QSER1: variants seen among roughly 807,000 people sequenced by gnomAD.
QSER1 encodes the protein glutamine and serine rich 1, also known as glutamine and serine-rich protein 1.
Under a neutral mutation model 158.5 loss-of-function variants are expected in QSER1, and 49 were observed. That is an observed-to-expected ratio of 0.31 (90% confidence interval 0.25 to 0.39). QSER1 has a LOEUF of 0.39. QSER1 is among the 10% of genes least tolerant of loss of function. The probability of loss-of-function intolerance (pLI) is 1.00; values close to 1 mark genes in which losing one functional copy is unlikely to be tolerated. For synonymous variants in QSER1, 650 were observed against 715.5 expected (o/e 0.91, Z 1.46); for missense variants, 1,754 against 2,010.3 (o/e 0.87, Z 2.44).
chr11:32,905,763 A>G (rs1851683924), intron 1 of QSER1, among the ~76,000 whole-genome samples: 1 of 152,204 alleles, frequency 6.6e-6, no homozygotes, highest in South Asian at 2.1e-4. Flanking sequence ...CTAATCTAGT[A>G]TACCAGCTAA....
rs1852491936 is a variant in QSER1, at chr11:32,955,286, G to C, written c.4501-10G>C. 7.2e-7 allele frequency: 1 copy of C among 1,387,100 alleles called. No individual in the cohort carries two copies. The highest frequency in any genetic ancestry group is 1.0e-6 in the Non-Finnish European group (1 of 990,438). 85.9% of individuals were successfully genotyped at this position (1,387,100 alleles called of 1,614,324 possible). On this transcript the variant is annotated splice_polypyrimidine_tract_variant and intron_variant, in intron 5 of 12. Coordinates refer to ENST00000650167, the MANE Select transcript of QSER1 (RefSeq NM_001076786.3). ...TGTTTTGTAAGTATCATTAATTCTG[G>C]TTATTACAGGAGGCTTTAAAAACAG...
intron 1 of QSER1, among the ~76,000 whole-genome samples, chr11:32,897,814 A>G (rs868363535): frequency 1.2e-4 from 18 of 152,118 alleles, no homozygotes; most frequent in Admixed American, 6.5e-5. Flanking sequence ...TTCCCCACCC[A>G]TCACACCTCT....
chr11:32,947,993 A>G (rs1852363582), intron 4 of QSER1, among the ~76,000 whole-genome samples: 1 of 152,242 alleles, frequency 6.6e-6, no homozygotes, highest in African/African-American at 2.4e-5. Context: ...TGTGAAAATC[A>G]AACATGCATA....
chr11:32,894,884 G>A (rs1422136824), intron 1 of QSER1, among the ~76,000 whole-genome samples: 1 of 152,104 alleles, frequency 6.6e-6, no homozygotes, highest in African/African-American at 2.4e-5. Flanking sequence ...TCTTGCTGAT[G>A]GTAATTTGAC....
chr11:32,973,691 C>A, intron 11 of QSER1, 142 bp downstream of exon 11: 1 of 741,190 alleles, frequency 1.3e-6, no homozygotes, highest in South Asian at 1.9e-5. Flanking sequence ...GCGTCACTGG[C>A]CTGAGGAACA....
intron 6 of QSER1, 95 bp from the exon 7 acceptor site, chr11:32,955,893 T>C (rs1852502490): frequency 1.7e-6 from 2 of 1,175,248 alleles, no homozygotes; most frequent in Non-Finnish European, 2.4e-6. Flanking sequence ...TTTAGAAAAC[T>C]TGAAGGTTGG....
Position 32,956,119 on chromosome 11 carries a change from C to G in QSER1, c.4749C>G (p.Ile1583Met). Residue 1583 changes from isoleucine to methionine, a missense_variant and splice_region_variant, in exon 7 of 13, where the codon ATC (isoleucine) becomes ATG (methionine). This residue lies in a region of QSER1 where 1,707 missense variants were observed against 1,919.6 expected (regional missense o/e 0.89). Coordinates refer to ENST00000650167, the MANE Select transcript of QSER1 (RefSeq NM_001076786.3). ...KKPRNKPSQTIRTVQAKPSSS... is the reference protein window; with the variant it reads ...KKPRNKPSQTMRTVQAKPSSS... The stretch of plus-strand genomic sequence containing the variant: ...CAAGAAATAAACCTTCACAAACTAT[C>G]AGGTATTTGTTTTCTTAGGTGATAT... 1 of 1,608,982 alleles carries G rather than the reference C, an allele frequency of 6.2e-7. No individual in the cohort carries two copies. Among genetic ancestry groups the G allele is most frequent in the Non-Finnish European group, 8.5e-7 (1 of 1,177,034 alleles).
At chr11:32,949,016 C>T (rs1852382008) in intron 4 of QSER1, among the ~76,000 whole-genome samples, 1 of 152,152 alleles carries the variant, frequency 6.6e-6, no homozygotes, top group Admixed American at 6.5e-5. Flanking sequence ...GATTTTTTAA[C>T]ACTGGAGCTC....
At chr11:32,927,474 C>T (rs1210671900) in intron 2 of QSER1, among the ~76,000 whole-genome samples, 1 of 152,142 alleles carries the variant, frequency 6.6e-6, no homozygotes, top group African/African-American at 2.4e-5. Context: ...GTGGCGTGAT[C>T]TTGGCTGACT....
intron 1 of QSER1, among the ~76,000 whole-genome samples, chr11:32,909,306 T>C (rs1191506476): frequency 6.6e-6 from 1 of 152,244 alleles, no homozygotes; most frequent in African/African-American, 2.4e-5. Context: ...TTCTCTAAAA[T>C]TGGGTTCAAG....
intron 4 of QSER1, among the ~76,000 whole-genome samples, chr11:32,943,036 T>C (rs1224011649): frequency 6.6e-6 from 1 of 151,418 alleles, no homozygotes; most frequent in Non-Finnish European, 1.5e-5. Context: ...TCTCTGTTTG[T>C]CTGTTGTTGG....
chr11:32,968,212 TAGAA>T (rs1489211636), intron 9 of QSER1, among the ~76,000 whole-genome samples: 2 of 152,200 alleles, frequency 1.3e-5, no homozygotes, highest in Admixed American at 6.5e-5. Context: ...GAATCACTAA[TAGAA>T]AGACTATGTA....
At chr11:32,921,116 A>G (rs763229949) in intron 1 of QSER1, among the ~76,000 whole-genome samples, 35 of 152,228 alleles carry the variant, frequency 2.3e-4, no homozygotes, top group Non-Finnish European at 4.3e-4. Flanking sequence ...CAGCTGATGA[A>G]TGGATAAACA....
At chr11:32,946,401 A>G (rs1852332736) in intron 4 of QSER1, among the ~76,000 whole-genome samples, 2 of 150,688 alleles carry the variant, frequency 1.3e-5, no homozygotes, top group Non-Finnish European at 3.0e-5. Flanking sequence ...ATGGTGATGT[A>G]TAGATGGGTT....
At chr11:32,969,227 T>C in intron 10 of QSER1, 84 bp downstream of exon 10, 2 of 857,640 alleles carry the variant, frequency 2.3e-6, no homozygotes, top group East Asian at 5.3e-5. Flanking sequence ...ATGAAAATTA[T>C]TCACTTACAA....
intron 1 of QSER1, among the ~76,000 whole-genome samples, chr11:32,904,087 C>G (rs534259627): frequency 6.6e-6 from 1 of 152,274 alleles, no homozygotes; most frequent in African/African-American, 2.4e-5. Flanking sequence ...TGTTACTAGG[C>G]TGCTACTAAC....
At chr11:32,929,108 ATTTTG>A (rs1263031865) in intron 3 of QSER1, among the ~76,000 whole-genome samples, 1 of 151,618 alleles carries the variant, frequency 6.6e-6, no homozygotes, top group Non-Finnish European at 1.5e-5. Flanking sequence ...TTAGGTTTCA[ATTTTG>A]TTTTGTTTTG....
At chr11:32,939,077 A>T (rs1034684015) in intron 4 of QSER1, among the ~76,000 whole-genome samples, 15 of 152,320 alleles carry the variant, frequency 9.8e-5, no homozygotes, top group African/African-American at 3.6e-4. Flanking sequence ...GCACTACTAA[A>T]ATGTTTCTGA....
intron 2 of QSER1, 23 bp from the exon 3 acceptor site, chr11:32,927,939 A>G: frequency 3.5e-6 from 2 of 578,338 alleles, no homozygotes; most frequent in Non-Finnish European, 2.9e-6. Context: ...TTACTTTGGG[A>G]TATATTTTAT....
Sources: gnomAD v4.1 joint callset for allele counts (sites outside exome capture counted in the v4.1 genomes callset) on GRCh38, gnomAD v4.1.1 for gene constraint, gnomAD v4.1.1 regional missense constraint, MANE v1.5 for transcripts, NCBI Gene and HGNC (gene_info 2026-07-23, HGNC 2026-07-21) for gene names.